Variants in SENP5 observed in about 807,000 individuals in gnomAD.
SENP5 encodes sentrin-specific protease 5.
Under a neutral mutation model 74.2 loss-of-function variants are expected in SENP5, and 21 were observed. The ratio of observed to expected loss-of-function variants is 0.28; its 90% CI spans 0.20 to 0.41. The LOEUF is 0.41. Ranked by LOEUF, SENP5 falls within the 10% of genes least tolerant of loss-of-function variation. SENP5 has a pLI of 1.00. For synonymous variants in SENP5, 311 were observed against 312.7 expected (o/e 0.99, Z 0.06); for missense variants, 717 against 889.1 (o/e 0.81, Z 2.46).
At chr3:196,912,803 G>A (rs1212368840) in intron 6 of SENP5, 1 of 152,006 alleles carries the variant, frequency 6.6e-6, no homozygotes, top group African/African-American at 2.4e-5. Context: ...GAGCCCAGGA[G>A]TTTGAGACTG....
intron 6 of SENP5, among the ~76,000 whole-genome samples, chr3:196,916,535 T>TA (rs1715385031): frequency 6.6e-6 from 1 of 151,506 alleles, no homozygotes; most frequent in Admixed American, 6.6e-5. Flanking sequence ...GACTTTTTTT[T>TA]TTTTTTTTAA....
chr3:196,914,781 A>G (rs1715304590), intron 6 of SENP5, among the ~76,000 whole-genome samples: 1 of 151,630 alleles, frequency 6.6e-6, no homozygotes. Context: ...AAGAACCAGA[A>G]ATCAGGTGAG....
intron 2 of SENP5, among the ~76,000 whole-genome samples, chr3:196,896,421 T>A (rs1441885380): frequency 2.0e-5 from 3 of 151,940 alleles, no homozygotes; most frequent in African/African-American, 7.3e-5. Flanking sequence ...TAACAACCTC[T>A]CAAAGCTTCT....
At chr3:196,877,448 G>T (rs1713527863) in intron 1 of SENP5, among the ~76,000 whole-genome samples, 1 of 152,220 alleles carries the variant, frequency 6.6e-6, no homozygotes, top group Admixed American at 6.5e-5. Context: ...ACCTTCAAAA[G>T]TGCTGTGCTT....
intron 1 of SENP5, among the ~76,000 whole-genome samples, chr3:196,869,086 A>G (rs1397555396): frequency 6.6e-6 from 1 of 151,324 alleles, no homozygotes; most frequent in African/African-American, 2.4e-5. Flanking sequence ...GATGGCTTAT[A>G]TCAGTTTTGA....
intron 1 of SENP5, among the ~76,000 whole-genome samples, chr3:196,881,109 G>T (rs1388372603): frequency 6.6e-6 from 1 of 151,714 alleles, no homozygotes; most frequent in African/African-American, 2.4e-5. Flanking sequence ...ACCACACTTG[G>T]CTAATTTTTA....
intron 2 of SENP5, among the ~76,000 whole-genome samples, chr3:196,890,333 TGG>T (rs1714148257): frequency 6.6e-6 from 1 of 152,194 alleles, no homozygotes; most frequent in Non-Finnish European, 1.5e-5. Flanking sequence ...TTGAGTTCTG[TGG>T]GGTGCTGAAT....
chr3:196,894,165 C>T (rs534963523), intron 2 of SENP5, among the ~76,000 whole-genome samples: 1 of 139,336 alleles, frequency 7.2e-6, no homozygotes, highest in South Asian at 2.3e-4. Flanking sequence ...ATCTTGTTGC[C>T]CAGGCTGGAG....
rs112110398 is a variant in SENP5, at chr3:196,868,005, G to C, written c.-100G>C. 1.3e-5 allele frequency: 2 copies of C among 152,218 alleles called. No homozygotes were observed. Among genetic ancestry groups the C allele is most frequent in the African/African-American group, 4.8e-5 (2 of 41,458 alleles). 9.4% of individuals were successfully genotyped at this position (152,218 alleles called of 1,614,324 possible). A position where few individuals can be genotyped will look rare whatever the true frequency, so the allele number is the denominator to read the frequency against. On this transcript the variant is annotated 5_prime_UTR_variant, in exon 1 of 10. Transcript: ENST00000323460. ...CTTCCCTTGGAGCTGACGAAGGCGG[G>C]GTCCGCGGTCCAGGCTGCTGCCGCG...
intron 1 of SENP5, among the ~76,000 whole-genome samples, chr3:196,883,815 A>G (rs1412989928): frequency 1.3e-5 from 2 of 152,190 alleles, no homozygotes; most frequent in East Asian, 3.9e-4. Flanking sequence ...CAGCCTCCCA[A>G]GTAGCTGAGA....
intron 2 of SENP5, among the ~76,000 whole-genome samples, chr3:196,898,874 C>A (rs377062616): frequency 6.6e-6 from 1 of 151,280 alleles, no homozygotes; most frequent in African/African-American, 2.4e-5. Context: ...TTCAATGATT[C>A]CATTAGATTC....
At chr3:196,908,323 A>G (rs1356533811) in intron 6 of SENP5, among the ~76,000 whole-genome samples, 3 of 152,120 alleles carry the variant, frequency 2.0e-5, no homozygotes, top group East Asian at 1.9e-4. Context: ...AAGTTAAACA[A>G]CCTGTTCCTG....
intron 1 of SENP5, among the ~76,000 whole-genome samples, chr3:196,875,568 A>G (rs573488380): frequency 6.6e-5 from 10 of 152,212 alleles, no homozygotes; most frequent in Non-Finnish European, 1.3e-4. Flanking sequence ...ATTCCTTGAA[A>G]TACTGAATTC....
intron 6 of SENP5, among the ~76,000 whole-genome samples, chr3:196,918,995 A>G (rs765494203): frequency 2.1e-5 from 3 of 144,258 alleles, no homozygotes; most frequent in Admixed American, 7.0e-5. Context: ...CTATCTATCT[A>G]TCTGTCTCCA....
intron 1 of SENP5, among the ~76,000 whole-genome samples, chr3:196,879,130 C>G (rs764306010): frequency 5.9e-5 from 9 of 152,094 alleles, no homozygotes; most frequent in Non-Finnish European, 1.2e-4. Flanking sequence ...TACTTAGTAT[C>G]CTTGGACCCC....
At chr3:196,907,064 C>T (rs547093500) in intron 6 of SENP5, among the ~76,000 whole-genome samples, 11 of 152,210 alleles carry the variant, frequency 7.2e-5, no homozygotes, top group South Asian at 2.1e-4. Context: ...TATGACTGGA[C>T]GGCCTATGGT....
chr3:196,918,275 C>A (rs578242574), intron 6 of SENP5, among the ~76,000 whole-genome samples: 10 of 150,098 alleles, frequency 6.7e-5, no homozygotes, highest in Non-Finnish European at 1.3e-4. Flanking sequence ...CCACTGCACT[C>A]CAAGCTGGGC....
intron 9 of SENP5, among the ~76,000 whole-genome samples, chr3:196,930,597 T>G (rs1715999054): frequency 6.6e-6 from 1 of 152,080 alleles, no homozygotes; most frequent in African/African-American, 2.4e-5. Flanking sequence ...TCACCCCTTA[T>G]GAGAATCTAA....
At chr3:196,897,066 A>G (rs1714470325) in intron 2 of SENP5, among the ~76,000 whole-genome samples, 1 of 152,252 alleles carries the variant, frequency 6.6e-6, no homozygotes, top group South Asian at 2.1e-4. Flanking sequence ...ATTGTTAACA[A>G]GAGCACCATG....
Sources: gnomAD v4.1 joint callset for allele counts (sites outside exome capture counted in the v4.1 genomes callset) on GRCh38, gnomAD v4.1.1 for gene constraint, MANE v1.5 for transcripts, NCBI Gene and HGNC (gene_info 2026-07-23, HGNC 2026-07-21) for gene names.